The following CNTN5 variants were observed in gnomAD, a reference collection of about 807,000 sequenced individuals.
CNTN5 encodes contactin 5.
A neutral mutation model predicts 129.1 loss-of-function variants in CNTN5; 77 were observed. The observed-to-expected ratio is 0.60, with a 90% confidence interval of 0.50 to 0.72. The LOEUF (loss-of-function observed/expected upper bound fraction) is 0.72, where lower values mean the gene tolerates loss of function less well. Among genes scored for constraint, CNTN5 ranks in the 30% least tolerant of loss-of-function variants. The pLI, the probability that CNTN5 is intolerant of heterozygous loss-of-function variation, is 0.00. For synonymous variants in CNTN5, 509 were observed against 465.6 expected (o/e 1.09, Z -1.20); for missense variants, 1,478 against 1,328.8 (o/e 1.11, Z -1.75).
intron 2 of CNTN5, among the ~76,000 whole-genome samples, chr11:99,422,518 T>A (rs2656210): frequency 0.078 from 6,322 of 81,534 alleles, 210 homozygotes; most frequent in Non-Finnish European, 0.091. Context: ...CTTTATATTT[T>A]TATATATATA....
chr11:99,500,688 T>A (rs77272820), intron 2 of CNTN5, among the ~76,000 whole-genome samples: 2,202 of 152,270 alleles, frequency 0.014, 51 homozygotes, highest in African/African-American at 0.05. Flanking sequence ...TTAATTTATG[T>A]ATGTATTGTT....
At chr11:100,071,037 A>T (rs1591179919) in intron 11 of CNTN5, among the ~76,000 whole-genome samples, 1 of 151,976 alleles carries the variant, frequency 6.6e-6, no homozygotes, top group African/African-American at 2.4e-5. Context: ...AGACATTTGG[A>T]GGTTTAACAA....
chr11:99,186,356 A>C (rs184476717), intron 1 of CNTN5, among the ~76,000 whole-genome samples: 1 of 151,970 alleles, frequency 6.6e-6, no homozygotes, highest in Non-Finnish European at 1.5e-5. Context: ...CTGACATTCT[A>C]AAGTTTTTAT....
intron 13 of CNTN5, among the ~76,000 whole-genome samples, chr11:100,099,545 CAAGGGGA>C (rs1355410387): frequency 6.6e-6 from 1 of 151,826 alleles, no homozygotes; most frequent in Non-Finnish European, 1.5e-5. Flanking sequence ...CTGTACATCA[CAAGGGGA>C]TAACTACACA....
intron 13 of CNTN5, among the ~76,000 whole-genome samples, chr11:100,110,677 T>A (rs369962461): frequency 6.6e-6 from 1 of 152,220 alleles, no homozygotes; most frequent in Non-Finnish European, 1.5e-5. Flanking sequence ...TATTTGCTTA[T>A]CAATTGTACC....
chr11:99,558,282 T>G (rs768313560), intron 3 of CNTN5: 1 of 431,064 alleles, frequency 2.3e-6, no homozygotes. Context: ...CCTCTTGAAC[T>G]TATAAGCCAA....
chr11:99,972,117 CG>C (rs1459412217), intron 8 of CNTN5, among the ~76,000 whole-genome samples: 2 of 131,914 alleles, frequency 1.5e-5, no homozygotes, highest in Non-Finnish European at 3.2e-5. Flanking sequence ...AAAAATTAGC[CG>C]GGCGTGGTGG....
chr11:99,320,415 T>G (rs1021589473), intron 1 of CNTN5, among the ~76,000 whole-genome samples: 1 of 152,150 alleles, frequency 6.6e-6, no homozygotes. Context: ...GTTTTACACA[T>G]GTAATTTTGT....
At chr11:99,066,789 G>C (rs902524426) in intron 1 of CNTN5, among the ~76,000 whole-genome samples, 3 of 151,980 alleles carry the variant, frequency 2.0e-5, no homozygotes, top group Non-Finnish European at 2.9e-5. Flanking sequence ...ACTCACTGCC[G>C]CCAACTAATT....
At chr11:100,035,359 C>A (rs1166663238) in intron 9 of CNTN5, among the ~76,000 whole-genome samples, 2 of 145,480 alleles carry the variant, frequency 1.4e-5, no homozygotes, top group Non-Finnish European at 3.0e-5. Flanking sequence ...TTTTCTTAAT[C>A]CAGTCTATCA....
At chr11:99,130,184 G>A (rs745722472) in intron 1 of CNTN5, among the ~76,000 whole-genome samples, 1 of 152,090 alleles carries the variant, frequency 6.6e-6, no homozygotes, top group Admixed American at 6.6e-5. Context: ...GGATAAAAAG[G>A]CGAGACCCAT....
intron 21 of CNTN5, among the ~76,000 whole-genome samples, chr11:100,313,135 G>A (rs892773390): frequency 6.6e-6 from 1 of 151,990 alleles, no homozygotes; most frequent in Non-Finnish European, 1.5e-5. Context: ...GAAAGCCATT[G>A]AGACAATTTA....
chr11:100,085,874 G>C (rs1289031468), intron 13 of CNTN5, among the ~76,000 whole-genome samples: 1 of 151,938 alleles, frequency 6.6e-6, no homozygotes, highest in Non-Finnish European at 1.5e-5. Context: ...ATAAAATCTA[G>C]ATAAAAGATA....
At chr11:99,278,539 G>T (rs979642004) in intron 1 of CNTN5, among the ~76,000 whole-genome samples, 1 of 151,706 alleles carries the variant, frequency 6.6e-6, no homozygotes, top group East Asian at 1.9e-4. Context: ...TTATGATGAT[G>T]ATAGTGATTA....
intron 9 of CNTN5, among the ~76,000 whole-genome samples, chr11:100,039,972 C>G (rs1388259422): frequency 6.6e-6 from 1 of 152,196 alleles, no homozygotes; most frequent in East Asian, 1.9e-4. Context: ...CTCAACTCGT[C>G]AAAGTCATTC....
intron 4 of CNTN5, among the ~76,000 whole-genome samples, chr11:99,833,714 G>T (rs1309500427): frequency 6.6e-6 from 1 of 152,164 alleles, no homozygotes; most frequent in Non-Finnish European, 1.5e-5. Flanking sequence ...TTGGAGATAG[G>T]TAGATGGGGC....
chr11:99,819,600 A>C lies in CNTN5; in HGVS notation c.112A>C (p.Lys38Gln). Residue 38 changes from lysine to glutamine, a missense_variant, in exon 4 of 25, where the codon AAG (lysine) becomes CAG (glutamine). By Grantham distance (53) the Lys-to-Gln change is moderately conservative. Transcript: ENST00000524871. ...TTCATATGCTGCTTTGTTAAGAATT[A>C]AGAAGAGTTCATCTTCATCTCTCTT... ...STSYAALLRI[K>Q]KSSSSSLFGS... 5 of 1,612,956 alleles carry C rather than the reference A, an allele frequency of 3.1e-6. No homozygotes were observed. Among genetic ancestry groups the C allele is most frequent in the Non-Finnish European group, 4.2e-6 (5 of 1,179,802 alleles).
chr11:100,233,756 C>T (rs1565360327), intron 16 of CNTN5, among the ~76,000 whole-genome samples: 2 of 152,050 alleles, frequency 1.3e-5, no homozygotes, highest in African/African-American at 2.4e-5. Flanking sequence ...ACTTCGTTGC[C>T]ATTGCTTTTG....
At chr11:99,562,805 A>C (rs565508371) in intron 3 of CNTN5, among the ~76,000 whole-genome samples, 2 of 152,290 alleles carry the variant, frequency 1.3e-5, no homozygotes, top group Admixed American at 1.3e-4. Context: ...TCTTAATAAA[A>C]TGGGAAGTGC....
Sources: gnomAD v4.1 joint callset for allele counts (sites outside exome capture counted in the v4.1 genomes callset) on GRCh38, gnomAD v4.1.1 for gene constraint, MANE v1.5 for transcripts, NCBI Gene and HGNC (gene_info 2026-07-23, HGNC 2026-07-21) for gene names.